Variants in SLC38A6 observed in about 807,000 individuals in gnomAD.
The protein encoded by SLC38A6 is N system amino acid transporter NAT-1.
In SLC38A6, 73 loss-of-function variants were observed where a neutral mutation model predicts 65.0. That is an observed-to-expected ratio of 1.12 (90% CI 0.93 to 1.37). The LOEUF (loss-of-function observed/expected upper bound fraction) is 1.37, where lower values mean the gene tolerates loss of function less well. SLC38A6 is among the 40% of genes most tolerant of loss of function. SLC38A6 has a pLI of 0.00. For synonymous variants in SLC38A6, 183 were observed against 178.8 expected (o/e 1.02, Z -0.19); for missense variants, 561 against 531.1 (o/e 1.06, Z -0.55).
At chr14:61,020,886 G>A (rs1256324962) in intron 5 of SLC38A6, among the ~76,000 whole-genome samples, 1 of 151,962 alleles carries the variant, frequency 6.6e-6, no homozygotes, top group Non-Finnish European at 1.5e-5. Context: ...ATATTGTTTA[G>A]GTTAGATTGA....
At chr14:61,011,550 G>A (rs1027786593) in intron 3 of SLC38A6, among the ~76,000 whole-genome samples, 25 of 152,072 alleles carry the variant, frequency 1.6e-4, no homozygotes, top group African/African-American at 4.1e-4. Context: ...TTTGAGATAC[G>A]TCCCATCAAT....
chr14:61,050,560 A>G lies in SLC38A6; in HGVS notation c.974A>G (p.His325Arg). Residue 325 changes from histidine to arginine, a missense_variant, in exon 13 of 16, where the codon CAT (histidine) becomes CGT (arginine). Transcript: ENST00000267488. The part of the protein sequence containing the change: ...LLKGYSKYLS[H>R]DVVVMTVKLC... ...AAAGGTTATAGTAAATACTTATCAC[A>G]TGATGTTGTTGTCATGACTGTGAAG... 2 of 1,592,496 alleles carry G rather than the reference A, an allele frequency of 1.3e-6. No individual in the cohort carries two copies. The highest frequency in any genetic ancestry group is 1.7e-6 in the Non-Finnish European group (2 of 1,164,398).
At chr14:61,004,350 A>G (rs1242613552) in intron 3 of SLC38A6, 1 of 152,210 alleles carries the variant, frequency 6.6e-6, no homozygotes, top group Non-Finnish European at 1.5e-5. Flanking sequence ...AAACTGATGT[A>G]AAATAGGTCA....
chr14:61,083,078 G>T (rs891721518), intron 16 of SLC38A6, among the ~76,000 whole-genome samples: 1 of 152,172 alleles, frequency 6.6e-6, no homozygotes, highest in African/African-American at 2.4e-5. Context: ...TTTGAGCTTG[G>T]CCCTCTACCA....
chr14:61,030,289 G>A (rs1220066499), intron 5 of SLC38A6, among the ~76,000 whole-genome samples, 156 bp from the exon 6 acceptor site: 1 of 151,564 alleles, frequency 6.6e-6, no homozygotes, highest in African/African-American at 2.4e-5. Flanking sequence ...GTGTGTGTGT[G>A]TGTGTGTGTG....
chr14:60,983,714 A>G (rs2037248453), intron 2 of SLC38A6, among the ~76,000 whole-genome samples: 1 of 152,188 alleles, frequency 6.6e-6, no homozygotes, highest in African/African-American at 2.4e-5. Flanking sequence ...TATGGAATGT[A>G]CTCACAAACT....
At chr14:60,990,612 G>A (rs1166121421) in intron 3 of SLC38A6, among the ~76,000 whole-genome samples, 1 of 151,934 alleles carries the variant, frequency 6.6e-6, no homozygotes, top group Non-Finnish European at 1.5e-5. Context: ...TTCAGTCCAT[G>A]CCATACTGTT....
intron 1 of SLC38A6, 182 bp from the exon 2 acceptor site, chr14:60,982,326 C>T: frequency 1.4e-6 from 1 of 710,400 alleles, no homozygotes; most frequent in East Asian, 3.1e-5. Flanking sequence ...ATTCCTGGAG[C>T]TGCAGTAGTG....
chr14:61,012,501 G>C (rs1037123473), intron 3 of SLC38A6, among the ~76,000 whole-genome samples: 47 of 152,112 alleles, frequency 3.1e-4, no homozygotes, highest in Admixed American at 2.7e-3. Flanking sequence ...GATCTTTCCT[G>C]CTTTCTCTTG....
At chr14:61,013,186 A>G (rs764293339) in intron 3 of SLC38A6, among the ~76,000 whole-genome samples, 4 of 152,090 alleles carry the variant, frequency 2.6e-5, no homozygotes, top group Non-Finnish European at 4.4e-5. Flanking sequence ...AGTCTATTTT[A>G]TCAGAGACTA....
chr14:61,062,091 G>T (rs540424611), intron 15 of SLC38A6, among the ~76,000 whole-genome samples: 1 of 152,076 alleles, frequency 6.6e-6, no homozygotes, highest in East Asian at 1.9e-4. Flanking sequence ...CATCCGCCTC[G>T]ACCTCCCAAA....
intron 3 of SLC38A6, among the ~76,000 whole-genome samples, chr14:61,002,714 C>T (rs2038797143): frequency 6.6e-6 from 1 of 152,052 alleles, no homozygotes; most frequent in Non-Finnish European, 1.5e-5. Context: ...AGAAATTTTC[C>T]CCGAATTTAC....
chr14:61,065,212 C>G (rs1392869438), intron 15 of SLC38A6, among the ~76,000 whole-genome samples: 1 of 152,180 alleles, frequency 6.6e-6, no homozygotes, highest in Non-Finnish European at 1.5e-5. Flanking sequence ...TAAAGATTCT[C>G]TGCTATCCAG....
At chr14:61,064,942 A>G (rs1376198858) in intron 15 of SLC38A6, among the ~76,000 whole-genome samples, 1 of 152,188 alleles carries the variant, frequency 6.6e-6, no homozygotes, top group Non-Finnish European at 1.5e-5. Context: ...TAGCATTTAA[A>G]TGGTTAAAAC....
At chr14:61,001,528 C>T (rs2038709368) in intron 3 of SLC38A6, among the ~76,000 whole-genome samples, 1 of 152,200 alleles carries the variant, frequency 6.6e-6, no homozygotes, top group South Asian at 2.1e-4. Context: ...TGTATGTGTG[C>T]ATGTGTGCAC....
At chr14:61,045,282 A>G (rs2042067295) in intron 10 of SLC38A6, 64 bp from the exon 11 acceptor site, 1 of 1,042,764 alleles carries the variant, frequency 9.6e-7, no homozygotes, top group Non-Finnish European at 1.5e-6. Context: ...GTTTGTTGTC[A>G]AATGAAATAA....
chr14:60,984,331 G>A (rs988125879), intron 2 of SLC38A6, among the ~76,000 whole-genome samples: 3 of 152,016 alleles, frequency 2.0e-5, no homozygotes, highest in African/African-American at 7.2e-5. Flanking sequence ...GGGAGGAAGG[G>A]AAAAAGAGAA....
chr14:61,046,796 T>TA (rs1377116623), intron 12 of SLC38A6, among the ~76,000 whole-genome samples: 1 of 152,172 alleles, frequency 6.6e-6, no homozygotes, highest in African/African-American at 2.4e-5. Flanking sequence ...CCTCTTCTGA[T>TA]AAGAACCTCA....
intron 10 of SLC38A6, among the ~76,000 whole-genome samples, chr14:61,043,832 C>T (rs1429143014): frequency 1.3e-5 from 2 of 151,898 alleles, no homozygotes; most frequent in South Asian, 2.1e-4. Context: ...TTCCTGTTGC[C>T]CTCTGCACTT....
Sources: allele counts gnomAD v4.1 joint callset (sites outside exome capture counted in the v4.1 genomes callset), GRCh38; gene constraint gnomAD v4.1.1; transcripts MANE v1.5; gene names NCBI Gene and HGNC (gene_info 2026-07-23, HGNC 2026-07-21).